The following PHAX variants were observed in gnomAD, a reference collection of about 807,000 sequenced individuals.
The protein encoded by PHAX is phosphorylated adaptor for RNA export.
PHAX carries 31 observed loss-of-function variants against 41.6 expected under a neutral mutation model. That is an observed-to-expected ratio of 0.75 (90% CI 0.56 to 1.01). The LOEUF is 1.01. Among genes scored for constraint, PHAX ranks in the 50% least tolerant of loss-of-function variants. The pLI, the probability that PHAX is intolerant of heterozygous loss-of-function variation, is 0.00. For synonymous variants in PHAX, 175 were observed against 164.9 expected (o/e 1.06, Z -0.47); for missense variants, 453 against 472.9 (o/e 0.96, Z 0.39).
chr5:126,604,274 C>A, intron 2 of PHAX, 91 bp downstream of exon 2: 1 of 643,334 alleles, frequency 1.6e-6, no homozygotes, highest in Non-Finnish European at 2.1e-6. Flanking sequence ...TGATATGTTC[C>A]TTTTTTTTTT....
At chr5:126,612,757 C>G (rs1421570713) in intron 3 of PHAX, among the ~76,000 whole-genome samples, 1 of 152,038 alleles carries the variant, frequency 6.6e-6, no homozygotes, top group Non-Finnish European at 1.5e-5. Context: ...ATAGACTGAA[C>G]TGGGGAATAA....
intron 4 of PHAX, among the ~76,000 whole-genome samples, chr5:126,622,549 T>G (rs1238875057): frequency 6.9e-6 from 1 of 144,772 alleles, no homozygotes; most frequent in Non-Finnish European, 1.5e-5. Flanking sequence ...CACCTCGGCC[T>G]CCTGAAATGC....
In PHAX at chr5:126,624,630, A is replaced by G; in HGVS notation, c.971A>G (p.Lys324Arg). Reference sequence around the variant, plus strand: ...TATGAAAATAAAAAAGCTGCTAGGAAGAGGAGAACACAAGTGTTGGGGAAA... The same window carrying G: ...TATGAAAATAAAAAAGCTGCTAGGAGGAGGAGAACACAAGTGTTGGGGAAA... ...KEYENKKAAR[K>R]RRTQVLGKKM... The change falls in exon 5 of 5, where the codon AAG becomes AGG. Residue 324 changes from lysine (K) to arginine (R), a missense_variant. By Grantham distance (26) the Lys-to-Arg change is conservative (BLOSUM62 2). Coordinates refer to ENST00000297540, the MANE Select transcript of PHAX (RefSeq NM_032177.4). 2 of 1,612,860 alleles carry G rather than the reference A, an allele frequency of 1.2e-6. No individual in the cohort carries two copies. The highest frequency in any genetic ancestry group is 1.1e-5 in the South Asian group (1 of 90,752).
chr5:126,604,511 C>G (rs191756917), intron 2 of PHAX, among the ~76,000 whole-genome samples: 3 of 152,036 alleles, frequency 2.0e-5, no homozygotes, highest in African/African-American at 7.2e-5. Context: ...GGGATCCACC[C>G]GCCTTTGCCT....
At chr5:126,617,669 G>A (rs1001753908) in intron 4 of PHAX, among the ~76,000 whole-genome samples, 1 of 152,022 alleles carries the variant, frequency 6.6e-6, no homozygotes, top group African/African-American at 2.4e-5. Context: ...AGTAGAGACG[G>A]GGTTTCACCA....
intron 2 of PHAX, among the ~76,000 whole-genome samples, chr5:126,607,489 C>T (rs1304720158): frequency 6.7e-6 from 1 of 149,474 alleles, no homozygotes; most frequent in Non-Finnish European, 1.5e-5. Context: ...ACCTCTGCCT[C>T]AGCCTCAGGG....
At chr5:126,618,007 G>A (rs1293587436) in intron 4 of PHAX, among the ~76,000 whole-genome samples, 1 of 152,176 alleles carries the variant, frequency 6.6e-6, no homozygotes, top group African/African-American at 2.4e-5. Context: ...AGGCTGGAGT[G>A]CAGTGGCGCA....
intron 2 of PHAX, 60 bp from the exon 3 acceptor site, chr5:126,608,304 G>T: frequency 6.5e-7 from 1 of 1,546,150 alleles, no homozygotes; most frequent in Non-Finnish European, 8.7e-7. Context: ...GGTGACTAAG[G>T]TAGATTTCTT....
rs942135377 is a variant in PHAX, at chr5:126,603,492, A to T, written c.97-78A>T. On this transcript the variant is annotated intron_variant, in intron 1 of 4. Transcript: ENST00000297540. ...GTTCCATTTTGGAATGGCAAAGTTG[A>T]ATCTCTAAATTTTTAAAAATTAGGT... 2.3e-5 allele frequency: 33 copies of T among 1,465,042 alleles called. 1 individual carries two copies. In the Admixed American group the frequency reaches 3.5e-4, roughly 16 times the overall value. 90.8% of individuals were successfully genotyped at this position (1,465,042 alleles called of 1,614,324 possible). A position where few individuals can be genotyped will look rare whatever the true frequency, so the allele number is the denominator to read the frequency against.
Position 126,605,185 on chromosome 5 carries a change from A to C in PHAX, c.710+1002A>C, listed in dbSNP as rs548911250. On this transcript the variant is annotated intron_variant, in intron 2 of 4. Coordinates refer to ENST00000297540, the MANE Select transcript of PHAX (RefSeq NM_032177.4). ...CCACAGATTTTTTTTTTTTTTTAAG[A>C]GATGGTCTTGCTCTGGTCACTCAGC... Among the ~76,000 whole-genome samples, 6 of 150,390 alleles carry C rather than the reference A, an allele frequency of 4.0e-5. No homozygotes were observed. The East Asian group carries it at 1.2e-3, about 29-fold the overall frequency.
At chr5:126,604,786 A>T (rs552723826) in intron 2 of PHAX, among the ~76,000 whole-genome samples, 1 of 152,210 alleles carries the variant, frequency 6.6e-6, no homozygotes, top group South Asian at 2.1e-4. Context: ...TTGTAATCCC[A>T]GCACTTTGGG....
At chr5:126,614,858 G>A (rs1435304040) in intron 3 of PHAX, among the ~76,000 whole-genome samples, 1 of 152,024 alleles carries the variant, frequency 6.6e-6, no homozygotes, top group East Asian at 1.9e-4. Flanking sequence ...CCGGGTTCAA[G>A]CGATTCTCCT....
intron 3 of PHAX, among the ~76,000 whole-genome samples, chr5:126,611,603 T>C (rs935816684): frequency 2.0e-5 from 3 of 151,896 alleles, no homozygotes; most frequent in Non-Finnish European, 4.4e-5. Context: ...CTGGGCAACA[T>C]GGTGAAATCC....
chr5:126,616,226 G>C (rs564976460), intron 3 of PHAX, among the ~76,000 whole-genome samples: 2 of 152,014 alleles, frequency 1.3e-5, no homozygotes, highest in Non-Finnish European at 2.9e-5. Context: ...CCAAGTAGCT[G>C]GGATTACAGA....
intron 2 of PHAX, 33 bp downstream of exon 2, chr5:126,604,216 C>T (rs187011657): frequency 6.7e-7 from 1 of 1,491,332 alleles, no homozygotes; most frequent in Non-Finnish European, 8.9e-7. Flanking sequence ...AGTACTTGAC[C>T]AGATGGCTTC....
chr5:126,600,977 C>G lies in PHAX; in HGVS notation c.15C>G (p.Val5=), dbSNP rs1253544166. The G allele has an allele frequency of 1.2e-6, 2 of 1,603,676 alleles. No individual in the cohort carries two copies. The highest frequency in any genetic ancestry group is 1.7e-5 in the Admixed American group (1 of 59,452). The stretch of plus-strand genomic sequence containing the variant: ...ACCGCGGGAAGATGGCGTTGGAGGT[C>G]GGCGATATGGAAGATGGGCAGCTTT... MALE[V]GDMEDGQLSD... is the part of the protein sequence containing the mutation. The change falls in exon 1 of 5, where the codon GTC becomes GTG. Residue 5 remains valine, a synonymous_variant. Coordinates refer to ENST00000297540, the MANE Select transcript of PHAX (RefSeq NM_032177.4).
intron 1 of PHAX, among the ~76,000 whole-genome samples, chr5:126,602,798 A>C (rs1313463558): frequency 6.6e-6 from 1 of 152,026 alleles, no homozygotes; most frequent in Non-Finnish European, 1.5e-5. Context: ...AGGTCAGGAG[A>C]TCGAGACCAT....
intron 1 of PHAX, 77 bp downstream of exon 1, chr5:126,601,135 G>A: frequency 9.4e-7 from 1 of 1,066,182 alleles, no homozygotes; most frequent in Non-Finnish European, 1.4e-6. Context: ...AGGCAGCGGT[G>A]AGGGTGAGGG....
At chr5:126,601,755 C>T (rs1751907571) in intron 1 of PHAX, among the ~76,000 whole-genome samples, 1 of 152,194 alleles carries the variant, frequency 6.6e-6, no homozygotes, top group Admixed American at 6.5e-5. Flanking sequence ...CAACCTCCGC[C>T]TCCCGGGTTC....
Sources: gnomAD v4.1 joint callset for allele counts (sites outside exome capture counted in the v4.1 genomes callset) on GRCh38, gnomAD v4.1.1 for gene constraint, MANE v1.5 for transcripts, NCBI Gene and HGNC (gene_info 2026-07-23, HGNC 2026-07-21) for gene names.